Variants in ITGA2 observed in about 807,000 individuals in gnomAD.
The protein encoded by ITGA2 is integrin subunit alpha 2.
Under a neutral mutation model 146.3 loss-of-function variants are expected in ITGA2, and 101 were observed. That is an observed-to-expected ratio of 0.69 (90% CI 0.59 to 0.81). The LOEUF (loss-of-function observed/expected upper bound fraction) is 0.81. Among genes scored for constraint, ITGA2 ranks in the 40% least tolerant of loss-of-function variants. The pLI is 0.00. For missense variants in ITGA2, 1,281 were observed against 1,402.7 expected (o/e 0.91, Z 1.39); for synonymous variants, 477 against 487.1 (o/e 0.98, Z 0.27).
chr5:53,063,153 A>T (rs770106058), intron 13 of ITGA2, among the ~76,000 whole-genome samples: 2 of 151,878 alleles, frequency 1.3e-5, no homozygotes, highest in Non-Finnish European at 2.9e-5. Flanking sequence ...TTTCCATGAG[A>T]GGTCTTTGAA....
intron 2 of ITGA2, among the ~76,000 whole-genome samples, chr5:53,039,927 A>G (rs1743703466): frequency 6.6e-6 from 1 of 151,878 alleles, no homozygotes; most frequent in East Asian, 1.9e-4. Flanking sequence ...CCTAGCCCTC[A>G]TGTACCTTTC....
At chr5:53,074,912 A>G in intron 21 of ITGA2, 149 bp from the exon 22 acceptor site, 1 of 648,298 alleles carries the variant, frequency 1.5e-6, no homozygotes, top group Admixed American at 2.7e-5. Context: ...GTGGACAAAT[A>G]AAGATATTCC....
chr5:52,997,153 T>C (rs3212394), intron 1 of ITGA2, among the ~76,000 whole-genome samples: 6,588 of 152,320 alleles, frequency 0.043, 181 homozygotes, highest in African/African-American at 0.071. Context: ...ATTTGGCTAA[T>C]GTTTTCAGCT....
intron 1 of ITGA2, among the ~76,000 whole-genome samples, chr5:52,996,096 TAG>T (rs1328313079): frequency 6.6e-6 from 1 of 151,934 alleles, no homozygotes; most frequent in African/African-American, 2.4e-5. Context: ...TGAGGAAATG[TAG>T]AGAGTGTGAG....
Position 53,093,137 on chromosome 5 carries a change from A to G in ITGA2, c.*2538A>G, listed in dbSNP as rs1579922672. 1 of 152,192 alleles carries G rather than the reference A, an allele frequency of 6.6e-6. No individual in the cohort carries two copies. Among genetic ancestry groups the G allele is most frequent in the Middle Eastern group, 3.2e-3 (1 of 316 alleles). The allele number at this position is 152,192 out of a possible 1,614,324, so 9.4% of individuals were successfully genotyped here. A position where few individuals can be genotyped will look rare whatever the true frequency, so the allele number is the denominator to read the frequency against. ...CAAACAAAAAAAAAGTTAGTACTGTATATGTAAATACTAGCTTTTCAATGT... is the reference window on the plus strand; with the variant it reads ...CAAACAAAAAAAAAGTTAGTACTGTGTATGTAAATACTAGCTTTTCAATGT... On this transcript the variant is annotated 3_prime_UTR_variant, in exon 30 of 30. Coordinates refer to ENST00000296585, the MANE Select transcript of ITGA2 (RefSeq NM_002203.4).
In ITGA2 at chr5:53,058,105, C is replaced by T. The variant is rs575569818; in HGVS notation, c.1173+4C>T. On this transcript the variant is annotated splice_donor_region_variant and intron_variant, in intron 10 of 29. Transcript: ENST00000296585. ...TGCAGATTACTCTTCTCAAAATGTG[C>T]GTATATCAGATAGCTTCAAGCCATG... 7.5e-6 allele frequency: 12 copies of T among 1,601,898 alleles called. No individual in the cohort carries two copies. Among genetic ancestry groups the T allele is most frequent in the South Asian group, 5.5e-5 (5 of 90,818 alleles).
chr5:53,067,053 T>C (rs1745182175), intron 15 of ITGA2, 65 bp from the exon 16 acceptor site: 3 of 1,538,138 alleles, frequency 2.0e-6, no homozygotes, highest in African/African-American at 2.7e-5. Flanking sequence ...TCCTCTATGA[T>C]AAAGGATATA....
At chr5:52,995,581 T>C (rs1741200501) in intron 1 of ITGA2, among the ~76,000 whole-genome samples, 1 of 152,274 alleles carries the variant, frequency 6.6e-6, no homozygotes, top group South Asian at 2.1e-4. Flanking sequence ...TTCACTGAGA[T>C]AAGCAGTGCT....
chr5:53,040,291 C>A (rs1245502758), intron 2 of ITGA2, among the ~76,000 whole-genome samples: 1 of 152,080 alleles, frequency 6.6e-6, no homozygotes, highest in African/African-American at 2.4e-5. Context: ...ATATGTCCAG[C>A]ATGCAAAAAT....
chr5:53,023,763 C>T (rs956920470), intron 1 of ITGA2, among the ~76,000 whole-genome samples: 1 of 152,126 alleles, frequency 6.6e-6, no homozygotes, highest in African/African-American at 2.4e-5. Context: ...GATATAGGCA[C>T]TGGGATTGCA....
At position 53,072,139 on chromosome 5, in the gene ITGA2, C is replaced by T. The variant is rs1307770820; in HGVS notation, c.2346+91C>T. ...GTCTGAAGGATGGTTAGGATGCAGC[C>T]TGAAAATTCTTAATTTTCTAAATGA... On this transcript the variant is annotated intron_variant, in intron 18 of 29. Coordinates refer to ENST00000296585, the MANE Select transcript of ITGA2 (RefSeq NM_002203.4). 23 of 890,618 alleles carry T rather than the reference C, an allele frequency of 2.6e-5. No homozygotes were observed. In the Admixed American group the frequency reaches 4.3e-4, roughly 17 times the overall value. The allele number at this position is 890,618 out of a possible 1,614,324, so 55.2% of individuals were successfully genotyped here. A position where few individuals can be genotyped will look rare whatever the true frequency, so the allele number is the denominator to read the frequency against.
At chr5:53,069,770 G>A (rs958909205) in intron 16 of ITGA2, among the ~76,000 whole-genome samples, 4 of 151,762 alleles carry the variant, frequency 2.6e-5, no homozygotes, top group African/African-American at 9.7e-5. Flanking sequence ...CTGTGTCTCC[G>A]TGTTATGAGT....
At chr5:53,020,774 C>T (rs944876261) in intron 1 of ITGA2, among the ~76,000 whole-genome samples, 85 of 151,564 alleles carry the variant, frequency 5.6e-4, no homozygotes, top group Middle Eastern at 6.8e-3. Flanking sequence ...CTCCGCCTTC[C>T]GGGCTCAAGT....
intron 1 of ITGA2, among the ~76,000 whole-genome samples, chr5:52,998,053 GC>G (rs1223590256): frequency 6.6e-6 from 1 of 152,066 alleles, no homozygotes; most frequent in Admixed American, 6.6e-5. Context: ...ATTAAGAAAT[GC>G]CTTTATTATT....
chr5:53,090,871 T>A lies in ITGA2; in HGVS notation c.*272T>A. On this transcript the variant is annotated 3_prime_UTR_variant, in exon 30 of 30. Coordinates refer to ENST00000296585, the MANE Select transcript of ITGA2 (RefSeq NM_002203.4). ...ATCTTTAAACTGGCTGGCCCAGAGT[T>A]TACATTCTAATTTGCATTGTGTCAG... The A allele has an allele frequency of 1.7e-6, 1 of 593,940 alleles. No homozygotes were observed. The highest frequency in any genetic ancestry group is 3.0e-6 in the Non-Finnish European group (1 of 334,258). 36.8% of individuals were successfully genotyped at this position (593,940 alleles called of 1,614,324 possible).
At chr5:53,065,706 A>G (rs1745114969) in intron 14 of ITGA2, 135 bp from the exon 15 acceptor site, 1 of 1,145,330 alleles carries the variant, frequency 8.7e-7, no homozygotes, top group Admixed American at 2.1e-5. Context: ...TAAAAAATGA[A>G]TCTTTAGAAT....
chr5:53,020,291 T>G (rs1425957756), intron 1 of ITGA2, among the ~76,000 whole-genome samples: 3 of 152,198 alleles, frequency 2.0e-5, no homozygotes, highest in African/African-American at 7.2e-5. Flanking sequence ...TCACAAGTTA[T>G]CATACAGATA....
intron 25 of ITGA2, 120 bp from the exon 26 acceptor site, chr5:53,081,472 A>C: frequency 3.9e-6 from 3 of 762,274 alleles, no homozygotes; most frequent in Non-Finnish European, 7.0e-6. Flanking sequence ...GTGGCGTTGA[A>C]AGAAGCCTAA....
intron 1 of ITGA2, among the ~76,000 whole-genome samples, chr5:53,023,464 A>G (rs142310514): frequency 0.019 from 2,901 of 152,258 alleles, 40 homozygotes; most frequent in Non-Finnish European, 0.029. Context: ...GGTTCTTTTT[A>G]CCACTCTTTA....
Sources: gnomAD v4.1 joint callset for allele counts (sites outside exome capture counted in the v4.1 genomes callset) on GRCh38, gnomAD v4.1.1 for gene constraint, MANE v1.5 for transcripts, NCBI Gene and HGNC (gene_info 2026-07-23, HGNC 2026-07-21) for gene names.